Variants in KCNIP4 observed in about 807,000 individuals in gnomAD.
The protein encoded by KCNIP4 is potassium voltage-gated channel interacting protein 4.
KCNIP4 carries 12 observed loss-of-function variants against 34.0 expected under a neutral mutation model. That is an observed-to-expected ratio of 0.35 (90% confidence interval 0.23 to 0.57). The LOEUF is 0.57. Ranked by LOEUF, KCNIP4 falls within the 20% of genes least tolerant of loss-of-function variation. The pLI is 0.83. For missense variants in KCNIP4, 238 were observed against 311.7 expected, an observed-to-expected ratio of 0.76 and a Z score of 1.78; for synonymous variants, 124 against 102.2, an observed-to-expected ratio of 1.21 and a Z score of -1.29.
chr4:21,727,355 C>A (rs751222797), intron 1 of KCNIP4, among the ~76,000 whole-genome samples: 2 of 152,096 alleles, frequency 1.3e-5, no homozygotes, highest in Admixed American at 6.6e-5. Context: ...GAGGACACAG[C>A]AAGAAAGTAC....
chr4:21,499,332 A>G lies in KCNIP4; in HGVS notation c.61+449239T>C, dbSNP rs74344698. On this transcript the variant is annotated intron_variant, in intron 1 of 8. Coordinates refer to ENST00000382152, the MANE Select transcript of KCNIP4 (RefSeq NM_025221.6). ...GGTGACAGAGTAAGACTCCATCTCA[A>G]AAAAAAAAAAAAAACAACTACATAA... Among the ~76,000 whole-genome samples the G allele has an allele frequency of 3.4e-3, 318 of 93,740 alleles. 1 individual carries two copies. Among genetic ancestry groups the G allele is most frequent in the African/African-American group, 9.7e-3 (297 of 30,574 alleles). 61.5% of individuals were successfully genotyped at this position (93,740 alleles called of 152,430 possible).
chr4:21,259,593 A>G (rs1456166896), intron 1 of KCNIP4, among the ~76,000 whole-genome samples: 1 of 152,198 alleles, frequency 6.6e-6, no homozygotes, highest in Non-Finnish European at 1.5e-5. Context: ...AGAAAAAAAC[A>G]CATTTTCAGC....
At chr4:21,378,323 G>C (rs1162760535) in intron 1 of KCNIP4, among the ~76,000 whole-genome samples, 3 of 152,018 alleles carry the variant, frequency 2.0e-5, no homozygotes, top group Non-Finnish European at 4.4e-5. Flanking sequence ...AATATGTATT[G>C]GTACCTAAAG....
At chr4:21,615,401 G>T (rs1744512585) in intron 1 of KCNIP4, among the ~76,000 whole-genome samples, 1 of 145,978 alleles carries the variant, frequency 6.9e-6, no homozygotes, top group Non-Finnish European at 1.5e-5. Flanking sequence ...AAAAAAATTA[G>T]CTGGAATGGT....
chr4:21,358,741 A>G (rs1399270629), intron 1 of KCNIP4, among the ~76,000 whole-genome samples: 1 of 152,136 alleles, frequency 6.6e-6, no homozygotes, highest in Non-Finnish European at 1.5e-5. Context: ...CTCTCTTTCT[A>G]TTCAAAGTCA....
At chr4:21,355,328 AC>A (rs1328541569) in intron 1 of KCNIP4, among the ~76,000 whole-genome samples, 1 of 152,194 alleles carries the variant, frequency 6.6e-6, no homozygotes, top group Non-Finnish European at 1.5e-5. Context: ...AAATAGAGAC[AC>A]AAAAAACCCT....
chr4:21,307,781 C>T (rs2109263294), intron 1 of KCNIP4, among the ~76,000 whole-genome samples: 1 of 152,234 alleles, frequency 6.6e-6, no homozygotes, highest in South Asian at 2.1e-4. Context: ...AGTCCTATTC[C>T]TACTGCTTCT....
intron 1 of KCNIP4, among the ~76,000 whole-genome samples, chr4:20,945,943 G>C (rs1486905103): frequency 2.6e-5 from 4 of 152,094 alleles, no homozygotes; most frequent in Non-Finnish European, 1.5e-5. Flanking sequence ...AGTAGACAAA[G>C]GGAATGAGAA....
intron 1 of KCNIP4, among the ~76,000 whole-genome samples, chr4:21,501,852 T>C (rs954633610): frequency 2.0e-5 from 3 of 152,054 alleles, no homozygotes; most frequent in African/African-American, 7.2e-5. Flanking sequence ...TATATCTGGT[T>C]CAAATTTCCC....
At chr4:21,186,878 G>A (rs1221819735) in intron 1 of KCNIP4, among the ~76,000 whole-genome samples, 1 of 152,004 alleles carries the variant, frequency 6.6e-6, no homozygotes, top group East Asian at 1.9e-4. Context: ...TGAACTCCTG[G>A]GCTCAAGGGA....
At chr4:21,371,915 G>A (rs1021588718) in intron 1 of KCNIP4, among the ~76,000 whole-genome samples, 1 of 146,712 alleles carries the variant, frequency 6.8e-6, no homozygotes, top group African/African-American at 2.7e-5. Context: ...GTTGAGCTGT[G>A]GAAATAGGAT....
chr4:20,952,582 G>T (rs1193991381), intron 1 of KCNIP4, among the ~76,000 whole-genome samples: 4 of 152,028 alleles, frequency 2.6e-5, no homozygotes, highest in Non-Finnish European at 4.4e-5. Context: ...GAGACTGATT[G>T]CTCATTATAA....
At chr4:20,788,150 C>T (rs866360666) in intron 3 of KCNIP4, among the ~76,000 whole-genome samples, 1 of 152,028 alleles carries the variant, frequency 6.6e-6, no homozygotes, top group Non-Finnish European at 1.5e-5. Context: ...ATCATTCCTG[C>T]ATTTAGCATA....
Position 21,011,770 on chromosome 4 carries a change from T to G in KCNIP4, c.62-129061A>C, listed in dbSNP as rs79534148. ...AGGACAATAATGAATCTCATTAAAA[T>G]CATATTTCCAAAGTGGCTTTCAGAA... is the stretch of plus-strand genomic sequence containing the variant. On this transcript the variant is annotated intron_variant, in intron 1 of 8. Coordinates refer to ENST00000382152, the MANE Select transcript of KCNIP4 (RefSeq NM_025221.6). Among the ~76,000 whole-genome samples the G allele has an allele frequency of 7.5e-3, 1,136 of 152,336 alleles. 15 individuals carry two copies. Among genetic ancestry groups the G allele is most frequent in the African/African-American group, 0.025 (1,044 of 41,572 alleles).
At chr4:21,641,646 A>G (rs1043918049) in intron 1 of KCNIP4, among the ~76,000 whole-genome samples, 1 of 152,194 alleles carries the variant, frequency 6.6e-6, no homozygotes, top group Non-Finnish European at 1.5e-5. Context: ...GTGAATGCTA[A>G]CCAAAGAGAG....
chr4:21,399,215 T>C (rs1039277542), intron 1 of KCNIP4, among the ~76,000 whole-genome samples: 1 of 152,134 alleles, frequency 6.6e-6, no homozygotes, highest in Non-Finnish European at 1.5e-5. Flanking sequence ...ACTCAGAGCA[T>C]GGTGTTGCCT....
intron 1 of KCNIP4, among the ~76,000 whole-genome samples, chr4:21,231,057 G>C (rs1318974113): frequency 6.6e-6 from 1 of 152,086 alleles, no homozygotes; most frequent in Non-Finnish European, 1.5e-5. Flanking sequence ...TGTTACAGCA[G>C]TCCTAGGAAA....
chr4:20,781,006 G>A (rs1756821841), intron 3 of KCNIP4, among the ~76,000 whole-genome samples: 1 of 152,142 alleles, frequency 6.6e-6, no homozygotes, highest in South Asian at 2.1e-4. Context: ...GTATTTCAGT[G>A]CTTTGGGAGA....
rs553698001 is a variant in KCNIP4, at chr4:20,783,972, G to C, written c.289-25082C>G. ...GGCTCTGAGAATACAATGGAAAAAT[G>C]GCAGGCCTGGTTCCTGCCCCTACCC... On this transcript the variant is annotated intron_variant, in intron 3 of 8. Transcript: ENST00000382152. 9.2e-5 allele frequency among the ~76,000 whole-genome samples: 14 copies of C among 152,220 alleles called. No homozygotes were observed. In the East Asian group the frequency reaches 2.7e-3, roughly 29 times the overall value.
Sources: gnomAD v4.1 joint callset for allele counts (sites outside exome capture counted in the v4.1 genomes callset) on GRCh38, gnomAD v4.1.1 for gene constraint, MANE v1.5 for transcripts, NCBI Gene and HGNC (gene_info 2026-07-23, HGNC 2026-07-21) for gene names.